BAZ1B: variants seen among roughly 807,000 people sequenced by gnomAD.
The protein encoded by BAZ1B is tyrosine-protein kinase BAZ1B.
In BAZ1B, 22 loss-of-function variants were observed where a neutral mutation model predicts 153.8. The ratio of observed to expected loss-of-function variants is 0.14; its 90% CI spans 0.10 to 0.20. The LOEUF (loss-of-function observed/expected upper bound fraction) is 0.20, where lower values mean the gene tolerates loss of function less well. Ranked by LOEUF, BAZ1B falls within the 10% of genes least tolerant of loss-of-function variation. BAZ1B has a pLI of 1.00. For synonymous variants in BAZ1B, 676 were observed against 633.4 expected (o/e 1.07, Z -1.01); for missense variants, 1,325 against 1,799.3 (o/e 0.74, Z 4.77).
chr7:73,443,017 T>C (rs546623956), intron 17 of BAZ1B, among the ~76,000 whole-genome samples, 189 bp from the exon 18 acceptor site: 3 of 152,278 alleles, frequency 2.0e-5, no homozygotes, highest in East Asian at 1.9e-4. Context: ...ATCTTCCCAG[T>C]AGTCCACTCA....
Position 73,522,277 on chromosome 7 carries a change from C to T in BAZ1B, c.-344G>A, listed in dbSNP as rs1032165272. On this transcript the variant is annotated 5_prime_UTR_variant, in exon 1 of 20. Transcript: ENST00000339594. Reference sequence around the variant, plus strand: ...GGAGATTCCCCTCCTCCCCCGGGCCCGGCCAACGCACACACTAACTTGCTC... The same window carrying T: ...GGAGATTCCCCTCCTCCCCCGGGCCTGGCCAACGCACACACTAACTTGCTC... 5.3e-6 allele frequency: 2 copies of T among 374,034 alleles called. No individual in the cohort carries two copies. The highest frequency in any genetic ancestry group is 9.5e-6 in the Non-Finnish European group (2 of 210,494). The allele number at this position is 374,034 out of a possible 1,614,324, so 23.2% of individuals were successfully genotyped here.
At position 73,450,779 on chromosome 7, in the gene BAZ1B, T is replaced by C. The variant is rs1284559871; in HGVS notation, c.3580+68A>G. On this transcript the variant is annotated intron_variant, in intron 14 of 19. Transcript: ENST00000339594. This position sits in a 1 kb window ranked among gnomAD's most constrained non-coding sequence, Gnocchi z 4.1. Reference sequence around the variant, plus strand: ...TACACAAAATTCTTTTGGGTAGAAATGAAGATCTTGGGAATAGAAATCCTA... The same window carrying C: ...TACACAAAATTCTTTTGGGTAGAAACGAAGATCTTGGGAATAGAAATCCTA... The C allele has an allele frequency of 1.3e-6, 2 of 1,563,652 alleles. No individual in the cohort carries two copies. The highest frequency in any genetic ancestry group is 1.8e-6 in the Non-Finnish European group (2 of 1,141,050).
chr7:73,472,034 G>A (rs965648159), intron 7 of BAZ1B, among the ~76,000 whole-genome samples: 5 of 152,150 alleles, frequency 3.3e-5, no homozygotes, highest in African/African-American at 1.2e-4. Flanking sequence ...GTTATCCAAA[G>A]ACCTGAACTC....
At chr7:73,501,048 G>T (rs1790110869) in intron 3 of BAZ1B, among the ~76,000 whole-genome samples, 1 of 152,084 alleles carries the variant, frequency 6.6e-6, no homozygotes, top group African/African-American at 2.4e-5. Context: ...CCTGAGGTCG[G>T]GAGTTCGAGA....
Position 73,441,405 on chromosome 7 carries a change from T to A in BAZ1B, c.*304A>T, listed in dbSNP as rs1256693918. On this transcript the variant is annotated 3_prime_UTR_variant, in exon 20 of 20. Transcript: ENST00000339594. ...CCTAAGAGCTTGACTGGTATGTGGG[T>A]GGGCTGGGCTCCAACACCCCTCTGG... 2 of 152,382 alleles carry A rather than the reference T, an allele frequency of 1.3e-5. No homozygotes were observed. Among genetic ancestry groups the A allele is most frequent in the Admixed American group, 6.6e-5 (1 of 15,264 alleles). The allele number at this position is 152,382 out of a possible 1,614,324, so 9.4% of individuals were successfully genotyped here.
intron 4 of BAZ1B, among the ~76,000 whole-genome samples, chr7:73,493,389 G>A (rs1396128973): frequency 6.6e-6 from 1 of 152,144 alleles, no homozygotes; most frequent in Non-Finnish European, 1.5e-5. Context: ...GAACCCGGGA[G>A]GCAGAGGTTG....
intron 4 of BAZ1B, 107 bp from the exon 5 acceptor site, chr7:73,493,028 G>A (rs1267504677): frequency 2.5e-6 from 3 of 1,186,930 alleles, no homozygotes; most frequent in Non-Finnish European, 3.5e-6. Context: ...GGCACTGGGT[G>A]ATGCAGTACA....
intron 4 of BAZ1B, among the ~76,000 whole-genome samples, chr7:73,493,853 AAAAG>A (rs1395128292): frequency 2.0e-5 from 3 of 151,858 alleles, no homozygotes; most frequent in Non-Finnish European, 4.4e-5. Flanking sequence ...AAAAAAAAAA[AAAAG>A]AGAGAGAGAG....
At chr7:73,445,774 T>C (rs1026414604) in intron 16 of BAZ1B, among the ~76,000 whole-genome samples, 1 of 151,958 alleles carries the variant, frequency 6.6e-6, no homozygotes, top group African/African-American at 2.4e-5. Flanking sequence ...GTAAGGAGGA[T>C]TGCTTAAGCC....
chr7:73,509,197 C>T (rs1447368951), intron 2 of BAZ1B, among the ~76,000 whole-genome samples: 6 of 151,926 alleles, frequency 3.9e-5, no homozygotes, highest in Admixed American at 3.9e-4. Context: ...TGGCACATGC[C>T]TGTAATCCCA....
intron 1 of BAZ1B, 74 bp from the exon 2 acceptor site, chr7:73,510,926 T>G: frequency 8.0e-7 from 1 of 1,242,928 alleles, no homozygotes; most frequent in Middle Eastern, 1.9e-4. Context: ...GATACTTATA[T>G]ACAGAAAAAA....
intron 16 of BAZ1B, among the ~76,000 whole-genome samples, chr7:73,446,667 A>G (rs782701853): frequency 2.8e-4 from 42 of 152,154 alleles, no homozygotes; most frequent in Non-Finnish European, 5.6e-4. Flanking sequence ...AGAAATGAAC[A>G]TGAGAGAATG....
intron 4 of BAZ1B, among the ~76,000 whole-genome samples, chr7:73,493,278 T>C (rs546410416): frequency 6.6e-6 from 1 of 151,686 alleles, no homozygotes; most frequent in South Asian, 2.1e-4. Flanking sequence ...CTGACCAACA[T>C]GGAGAAACTC....
chr7:73,467,036 A>G (rs1788615967), intron 9 of BAZ1B, among the ~76,000 whole-genome samples: 2 of 151,984 alleles, frequency 1.3e-5, no homozygotes, highest in East Asian at 1.9e-4. Flanking sequence ...GGTTCATGCA[A>G]TTCTCCCTGC....
Position 73,498,498 on chromosome 7 carries a change from A to G in BAZ1B, c.570T>C (p.Ile190=), listed in dbSNP as rs1554576654. The G allele has an allele frequency of 1.2e-6, 2 of 1,609,748 alleles. No homozygotes were observed. Among genetic ancestry groups the G allele is most frequent in the East Asian group, 4.5e-5 (2 of 44,844 alleles). The change falls in exon 4 of 20, where the codon ATT becomes ATC. Residue 190 remains isoleucine (I), a splice_region_variant and synonymous_variant. Coordinates refer to ENST00000339594, the MANE Select transcript of BAZ1B (RefSeq NM_032408.4). ...AAGGAAAGCTAATATCAAACATACT[A>G]ATACTCTCTCTCCTTCCTTCATCCT... ...VKEDEGRRES[I]NDRARRSPRK...
chr7:73,454,328 A>G (rs1788120361), intron 13 of BAZ1B, among the ~76,000 whole-genome samples: 1 of 152,078 alleles, frequency 6.6e-6, no homozygotes, highest in Non-Finnish European at 1.5e-5. Context: ...AAATAAAAGA[A>G]ACACAGGAAG....
chr7:73,495,700 A>G lies in BAZ1B; in HGVS notation c.572-2779T>C, dbSNP rs555939431. ...ATACACCATGGAATACTATGCAGCCATAAAAAAGAATGAGATCATGTCCTT... is the reference window on the plus strand; with the variant it reads ...ATACACCATGGAATACTATGCAGCCGTAAAAAAGAATGAGATCATGTCCTT... On this transcript the variant is annotated intron_variant, in intron 4 of 19. Coordinates refer to ENST00000339594, the MANE Select transcript of BAZ1B (RefSeq NM_032408.4). Among the ~76,000 whole-genome samples the G allele has an allele frequency of 9.1e-4, 139 of 152,366 alleles. 5 individuals are homozygous for G. In the South Asian group the frequency reaches 0.027, roughly 30 times the overall value.
intron 15 of BAZ1B, among the ~76,000 whole-genome samples, chr7:73,449,279 G>A (rs1036715908): frequency 6.6e-6 from 1 of 152,194 alleles, no homozygotes; most frequent in Non-Finnish European, 1.5e-5. Context: ...AAGGCAGAGA[G>A]AGAGATTTCA....
Position 73,441,285 on chromosome 7 carries a change from A to G in BAZ1B, c.*424T>C, listed in dbSNP as rs1456152102. 14 of 152,646 alleles carry G rather than the reference A, an allele frequency of 9.2e-5. No individual in the cohort carries two copies. The highest frequency in any genetic ancestry group is 3.3e-4 in the Admixed American group (5 of 15,284). The allele number at this position is 152,646 out of a possible 1,614,324, so 9.5% of individuals were successfully genotyped here. A position where few individuals can be genotyped will look rare whatever the true frequency, so the allele number is the denominator to read the frequency against. ...TATCTTACAAGATGTTCTTTATACA[A>G]TATCACTGCTGAAACAAGCAACTTT... On this transcript the variant is annotated 3_prime_UTR_variant, in exon 20 of 20. Coordinates refer to ENST00000339594, the MANE Select transcript of BAZ1B (RefSeq NM_032408.4).
Sources: gnomAD v4.1 joint callset for allele counts (sites outside exome capture counted in the v4.1 genomes callset) on GRCh38, gnomAD v4.1.1 for gene constraint, Gnocchi (gnomAD v3.1) non-coding constraint, MANE v1.5 for transcripts, NCBI Gene and HGNC (gene_info 2026-07-23, HGNC 2026-07-21) for gene names.